The following PEMT variants were observed in gnomAD, a reference collection of about 807,000 sequenced individuals.
PEMT encodes phospholipid methyltransferase.
PEMT carries 23 observed loss-of-function variants against 27.4 expected under a neutral mutation model. That is an observed-to-expected ratio of 0.84 (90% CI 0.60 to 1.19). PEMT has a LOEUF of 1.19. Ranked by LOEUF, PEMT falls within the 50% of genes most tolerant of loss-of-function variation. PEMT has a pLI of 0.00. For synonymous variants in PEMT, 137 were observed against 139.1 expected (o/e 0.98, Z 0.11); for missense variants, 307 against 310.1 (o/e 0.99, Z 0.07).
rs565441315 is a variant in PEMT, at chr17:17,589,421, G to C, written c.96+2110C>G. Among the ~76,000 whole-genome samples, 12 of 152,146 alleles carry C rather than the reference G, an allele frequency of 7.9e-5. No homozygotes were observed. The South Asian group carries it at 1.7e-3, about 21-fold the overall frequency. ...TGGTCACAGGCAGTGCCACAAGCTT[G>C]GAATGCCACAGGACAAAATATGTCT... On this transcript the variant is annotated intron_variant, in intron 1 of 6. Transcript: ENST00000255389.
chr17:17,541,500 G>T (rs1036029821), intron 2 of PEMT, among the ~76,000 whole-genome samples: 2 of 152,202 alleles, frequency 1.3e-5, no homozygotes, highest in African/African-American at 4.8e-5. Context: ...CGGGGCATGG[G>T]CAGGCTCGGA....
chr17:17,566,426 T>C (rs1328596026), intron 2 of PEMT, among the ~76,000 whole-genome samples: 2 of 152,188 alleles, frequency 1.3e-5, no homozygotes, highest in Non-Finnish European at 2.9e-5. Context: ...GCCCGGGACA[T>C]CCACAGGTGC....
chr17:17,555,039 A>G (rs7215055), intron 2 of PEMT, among the ~76,000 whole-genome samples: 21,820 of 152,122 alleles, frequency 0.14, 2,822 homozygotes, highest in African/African-American at 0.35. Flanking sequence ...ACACACATGC[A>G]TGAGCACTAA....
At chr17:17,514,990 C>A (rs553599249) in intron 3 of PEMT, among the ~76,000 whole-genome samples, 2 of 152,312 alleles carry the variant, frequency 1.3e-5, no homozygotes, top group East Asian at 3.9e-4. Flanking sequence ...GTGCAGGCCT[C>A]GGCCCGGCAG....
chr17:17,537,144 T>G (rs888407437), intron 2 of PEMT, among the ~76,000 whole-genome samples: 1 of 152,216 alleles, frequency 6.6e-6, no homozygotes, highest in Non-Finnish European at 1.5e-5. Flanking sequence ...CTCTGAGCCC[T>G]GCTTACACAG....
chr17:17,522,931 C>T (rs1218600257), intron 2 of PEMT, among the ~76,000 whole-genome samples: 2 of 152,262 alleles, frequency 1.3e-5, no homozygotes, highest in African/African-American at 4.8e-5. Context: ...CCTCCCTCTG[C>T]CCAAGTGCTC....
Position 17,512,413 on chromosome 17 carries a change from G to A in PEMT, c.466+96C>T, listed in dbSNP as rs894982527. ...GGAGGGGGCCCCTAGCACTCCCACC[G>A]ATGTCACGGATAGCAGGGCAGCAGC... On this transcript the variant is annotated intron_variant, in intron 4 of 6. Transcript: ENST00000255389. This position sits in a 1 kb window ranked among gnomAD's most constrained non-coding sequence, Gnocchi z 6.3. 22 of 1,228,076 alleles carry A rather than the reference G, an allele frequency of 1.8e-5. No homozygotes were observed. The highest frequency in any genetic ancestry group is 2.1e-5 in the South Asian group (1 of 48,716). The allele number at this position is 1,228,076 out of a possible 1,614,324, so 76.1% of individuals were successfully genotyped here.
intron 2 of PEMT, among the ~76,000 whole-genome samples, chr17:17,563,673 T>A (rs565144969): frequency 6.6e-6 from 1 of 152,342 alleles, no homozygotes; most frequent in East Asian, 1.9e-4. Flanking sequence ...ACAGGTGTAC[T>A]GGGACCGCTG....
chr17:17,557,864 C>G (rs938731598), intron 2 of PEMT, among the ~76,000 whole-genome samples: 4 of 152,220 alleles, frequency 2.6e-5, no homozygotes, highest in African/African-American at 9.6e-5. Context: ...CGGCCTCACC[C>G]TCCCCAGGGT....
At chr17:17,521,036 T>C (rs1243454439) in intron 3 of PEMT, among the ~76,000 whole-genome samples, 2 of 152,234 alleles carry the variant, frequency 1.3e-5, no homozygotes, top group Non-Finnish European at 2.9e-5. Context: ...CCTTCCTGTG[T>C]GCACCCAGTG....
At chr17:17,562,619 G>T (rs1910568537) in intron 2 of PEMT, among the ~76,000 whole-genome samples, 3 of 152,206 alleles carry the variant, frequency 2.0e-5, no homozygotes, top group Admixed American at 2.0e-4. Flanking sequence ...GACCAGCCTG[G>T]CCAACATGGT....
At chr17:17,507,489 C>T in intron 5 of PEMT, 1 of 472,414 alleles carries the variant, frequency 2.1e-6, no homozygotes, top group African/African-American at 2.0e-5. Flanking sequence ...CTGGGAGCTG[C>T]AGGAGGCAGG....
At chr17:17,562,687 T>C (rs1910572869) in intron 2 of PEMT, among the ~76,000 whole-genome samples, 3 of 152,124 alleles carry the variant, frequency 2.0e-5, no homozygotes, top group Non-Finnish European at 4.4e-5. Context: ...CACACACTGG[T>C]AGTCCCAGCT....
intron 2 of PEMT, among the ~76,000 whole-genome samples, chr17:17,531,582 C>T: frequency 7.7e-6 from 1 of 129,138 alleles, no homozygotes; most frequent in East Asian, 2.4e-4. Context: ...AAAGGACAGC[C>T]TTTCCACAGA....
chr17:17,520,131 G>A (rs751336708), intron 3 of PEMT, among the ~76,000 whole-genome samples: 6 of 152,176 alleles, frequency 3.9e-5, no homozygotes, highest in Non-Finnish European at 5.9e-5. Flanking sequence ...GCGTTCAGTC[G>A]GCCAGCACCA....
chr17:17,564,174 AGG>A (rs2142704701), intron 2 of PEMT, among the ~76,000 whole-genome samples: 1 of 152,284 alleles, frequency 6.6e-6, no homozygotes, highest in East Asian at 1.9e-4. Context: ...ATCGAACACC[AGG>A]TCCTTGGGCC....
At chr17:17,573,220 C>T (rs1911334115) in intron 2 of PEMT, among the ~76,000 whole-genome samples, 1 of 149,642 alleles carries the variant, frequency 6.7e-6, no homozygotes, top group African/African-American at 2.5e-5. Context: ...CGCGGTGGCT[C>T]ATGCCTATAA....
intron 2 of PEMT, among the ~76,000 whole-genome samples, chr17:17,528,605 C>T (rs1907867477): frequency 6.6e-6 from 1 of 152,212 alleles, no homozygotes. Flanking sequence ...AGGTGACATA[C>T]AAATGTCTGA....
At position 17,582,449 on chromosome 17, in the gene PEMT, G is replaced by A. The variant is rs1912028253; in HGVS notation, c.97-5422C>T. 2 of 985,042 alleles carry A rather than the reference G, an allele frequency of 2.0e-6. No individual in the cohort carries two copies. The highest frequency in any genetic ancestry group is 3.5e-5 in the African/African-American group (2 of 57,366). The allele number at this position is 985,042 out of a possible 1,614,324, so 61.0% of individuals were successfully genotyped here. A position where few individuals can be genotyped will look rare whatever the true frequency, so the allele number is the denominator to read the frequency against. On this transcript the variant is annotated intron_variant, in intron 1 of 6. Coordinates refer to ENST00000255389, the MANE Select transcript of PEMT (RefSeq NM_148172.3). This position sits in a 1 kb window ranked among gnomAD's most constrained non-coding sequence, Gnocchi z 4.9. Reference sequence around the variant, plus strand: ...GTGGTCAGGGAATGATCTGCAGTGGGTCAACATGTCACATTGTGACACATG... The same window carrying A: ...GTGGTCAGGGAATGATCTGCAGTGGATCAACATGTCACATTGTGACACATG...
Sources: gnomAD v4.1 joint callset for allele counts (sites outside exome capture counted in the v4.1 genomes callset) on GRCh38, gnomAD v4.1.1 for gene constraint, Gnocchi (gnomAD v3.1) non-coding constraint, MANE v1.5 for transcripts, NCBI Gene and HGNC (gene_info 2026-07-23, HGNC 2026-07-21) for gene names.